Variants in DPP6 observed in about 807,000 individuals in gnomAD.
The protein encoded by DPP6 is A-type potassium channel modulatory protein DPP6.
Under a neutral mutation model 122.6 loss-of-function variants are expected in DPP6, and 69 were observed. That is an observed-to-expected ratio of 0.56 (90% CI 0.46 to 0.69). The LOEUF (loss-of-function observed/expected upper bound fraction) is 0.69, where lower values mean the gene tolerates loss of function less well. DPP6 is among the 30% of genes least tolerant of loss of function. DPP6 has a pLI of 0.00. For missense variants in DPP6, 928 were observed against 1,116.9 expected (o/e 0.83, Z 2.41); for synonymous variants, 418 against 433.1 (o/e 0.97, Z 0.43).
At chr7:154,331,699 C>G (rs1182595506) in intron 1 of DPP6, among the ~76,000 whole-genome samples, 2 of 152,166 alleles carry the variant, frequency 1.3e-5, no homozygotes, top group Non-Finnish European at 2.9e-5. Context: ...TGTGTGCTCT[C>G]AAGGTAGACG....
At chr7:153,797,230 C>A in the DPP6 span, among the ~76,000 whole-genome samples, 1 of 152,092 alleles carries the variant, frequency 6.6e-6, no homozygotes, top group South Asian at 2.1e-4. Flanking sequence ...ATTCTTGGCC[C>A]ACAAAAACTA....
chr7:154,327,402 G>T (rs933700063), intron 1 of DPP6, among the ~76,000 whole-genome samples: 2 of 152,002 alleles, frequency 1.3e-5, no homozygotes, highest in African/African-American at 4.8e-5. Context: ...TAAGTCATAT[G>T]GTCAACATAT....
intron 3 of DPP6, among the ~76,000 whole-genome samples, chr7:154,493,716 TA>T (rs1824485600): frequency 6.6e-6 from 1 of 152,196 alleles, no homozygotes; most frequent in South Asian, 2.1e-4. Context: ...GTGAACTGTG[TA>T]AAAAGTTGTG....
chr7:154,349,433 C>T (rs1810668609), intron 1 of DPP6, among the ~76,000 whole-genome samples: 1 of 152,204 alleles, frequency 6.6e-6, no homozygotes, highest in South Asian at 2.1e-4. Context: ...GCCTTGGCCT[C>T]CCAAAATGCT....
intron 3 of DPP6, among the ~76,000 whole-genome samples, chr7:154,533,338 G>A (rs1193684795): frequency 6.6e-6 from 1 of 152,134 alleles, no homozygotes; most frequent in Admixed American, 6.6e-5. Context: ...CAAGCTAGAT[G>A]ACATGGACAA....
At chr7:154,829,571 G>A (rs1800465671) in intron 16 of DPP6, among the ~76,000 whole-genome samples, 2 of 152,060 alleles carry the variant, frequency 1.3e-5, no homozygotes, top group Non-Finnish European at 2.9e-5. Context: ...ATATTAGCAG[G>A]AAAGGGACTG....
At chr7:154,487,745 A>G in intron 3 of DPP6, among the ~76,000 whole-genome samples, 1 of 152,202 alleles carries the variant, frequency 6.6e-6, no homozygotes, top group East Asian at 1.9e-4. Context: ...TCTCAGTTAA[A>G]TTACTTCACA....
At chr7:154,001,052 G>A (rs1797666254) in intron 1 of DPP6, among the ~76,000 whole-genome samples, 2 of 152,124 alleles carry the variant, frequency 1.3e-5, no homozygotes, top group Admixed American at 1.3e-4. Context: ...GCCTGAGGAT[G>A]CTGACCAGCT....
At chr7:153,927,394 T>C (rs1186102997) in intron 1 of DPP6, among the ~76,000 whole-genome samples, 1 of 152,266 alleles carries the variant, frequency 6.6e-6, no homozygotes, top group Non-Finnish European at 1.5e-5. Context: ...GTGATACATG[T>C]ATACTTTGTA....
At chr7:153,987,290 C>A (rs1307714465) in intron 1 of DPP6, among the ~76,000 whole-genome samples, 1 of 152,160 alleles carries the variant, frequency 6.6e-6, no homozygotes, top group African/African-American at 2.4e-5. Context: ...ACTAAGACAG[C>A]TTCTAGTACC....
At chr7:154,430,717 C>G (rs1042368527) in intron 1 of DPP6, among the ~76,000 whole-genome samples, 1 of 152,170 alleles carries the variant, frequency 6.6e-6, no homozygotes, top group African/African-American at 2.4e-5. Context: ...GTTGACTGCC[C>G]ACTCTGTGCT....
In DPP6 at chr7:154,825,446, G is replaced by A. The variant is rs1369945310; in HGVS notation, c.1666+18334G>A. 2.6e-5 allele frequency among the ~76,000 whole-genome samples: 4 copies of A among 152,160 alleles called. No individual in the cohort carries two copies. The South Asian group carries it at 6.2e-4, about 24-fold the overall frequency. The stretch of plus-strand genomic sequence containing the variant: ...GCATAAATTGTCTTCCAAGAAAAGG[G>A]ATATTTGTCACTTATTCTACCAGCT... On this transcript the variant is annotated intron_variant, in intron 16 of 25. Coordinates refer to ENST00000377770, the MANE Select transcript of DPP6 (RefSeq NM_130797.4).
At chr7:154,294,914 TA>T (rs1037383769) in intron 1 of DPP6, among the ~76,000 whole-genome samples, 7 of 152,064 alleles carry the variant, frequency 4.6e-5, no homozygotes, top group Non-Finnish European at 8.8e-5. Context: ...CTGGAGCCGT[TA>T]AAAAAACATA....
At chr7:154,254,441 G>T (rs951643809) in intron 1 of DPP6, among the ~76,000 whole-genome samples, 1 of 152,154 alleles carries the variant, frequency 6.6e-6, no homozygotes, top group African/African-American at 2.4e-5. Context: ...GTGATAGCAT[G>T]TGTCATAGCC....
chr7:153,908,790 T>C (rs1799954275), intron 1 of DPP6, among the ~76,000 whole-genome samples: 1 of 152,196 alleles, frequency 6.6e-6, no homozygotes, highest in African/African-American at 2.4e-5. Context: ...AGTCTTGCTC[T>C]GTCGCCCAGG....
the DPP6 span, among the ~76,000 whole-genome samples, chr7:153,816,924 G>A: frequency 6.6e-6 from 1 of 152,062 alleles, no homozygotes; most frequent in Non-Finnish European, 1.5e-5. Flanking sequence ...ATCTCAGAAG[G>A]TGGCATCAAG....
At chr7:154,540,744 T>A in intron 4 of DPP6, 118 bp downstream of exon 4, 1 of 626,760 alleles carries the variant, frequency 1.6e-6, no homozygotes, top group Non-Finnish European at 2.7e-6. Flanking sequence ...AATAAACTTG[T>A]AATACTACAG....
At chr7:154,234,688 C>T (rs569086330) in intron 1 of DPP6, among the ~76,000 whole-genome samples, 38 of 152,296 alleles carry the variant, frequency 2.5e-4, no homozygotes, top group African/African-American at 8.7e-4. Context: ...CATGCACACA[C>T]ACTTTCTGAA....
At chr7:154,155,377 A>G (rs568104045) in intron 1 of DPP6, among the ~76,000 whole-genome samples, 1 of 152,332 alleles carries the variant, frequency 6.6e-6, no homozygotes, top group Non-Finnish European at 1.5e-5. Context: ...AGAAATAGTC[A>G]GGAGCTAAGG....
Sources: gnomAD v4.1 joint callset for allele counts (sites outside exome capture counted in the v4.1 genomes callset) on GRCh38, gnomAD v4.1.1 for gene constraint, MANE v1.5 for transcripts, NCBI Gene and HGNC (gene_info 2026-07-23, HGNC 2026-07-21) for gene names.